Variants in GUCA1A observed in about 807,000 individuals in gnomAD.
GUCA1A encodes guanylyl cyclase-activating protein 1.
A neutral mutation model predicts 18.5 loss-of-function variants in GUCA1A; 14 were observed. The ratio of observed to expected loss-of-function variants is 0.76; its 90% CI spans 0.50 to 1.18. The LOEUF (loss-of-function observed/expected upper bound fraction) is 1.18. Ranked by LOEUF, GUCA1A falls within the 50% of genes most tolerant of loss-of-function variation. The pLI is 0.00. For missense variants in GUCA1A, 264 were observed against 262.4 expected, an observed-to-expected ratio of 1.01 and a Z score of -0.04; for synonymous variants, 97 against 100.2, an observed-to-expected ratio of 0.97 and a Z score of 0.19.
intron 1 of GUCA1A, 122 bp from the exon 2 acceptor site, chr6:42,178,158 C>G (rs1221012753): frequency 8.7e-7 from 1 of 1,153,062 alleles, no homozygotes; most frequent in East Asian, 2.3e-5. Flanking sequence ...GGGTCCGGGT[C>G]TCCCCTCAGC....
chr6:42,175,363 T>C (rs1767928531), intron 1 of GUCA1A, among the ~76,000 whole-genome samples: 1 of 136,698 alleles, frequency 7.3e-6, no homozygotes, highest in Non-Finnish European at 1.6e-5. Flanking sequence ...CTTTTTTTTT[T>C]TTTTTTTTTT....
chr6:42,175,441 A>G (rs1267752026), intron 1 of GUCA1A, among the ~76,000 whole-genome samples: 1 of 140,364 alleles, frequency 7.1e-6, no homozygotes, highest in African/African-American at 2.7e-5. Context: ...GCTCACTGCA[A>G]CCTCCACCTC....
chr6:42,178,435 G>C lies in GUCA1A; in HGVS notation c.351+6G>C. The C allele has an allele frequency of 6.2e-7, 1 of 1,613,346 alleles. No individual in the cohort carries two copies. Among genetic ancestry groups the C allele is most frequent in the African/African-American group, 1.3e-5 (1 of 75,046 alleles). On this transcript the variant is annotated splice_donor_region_variant and intron_variant, in intron 2 of 3. Coordinates refer to ENST00000372958, the MANE Select transcript of GUCA1A (RefSeq NM_001384910.1). ...AGCTGCTCACCATCATCCAGGTGCAGAGGGCCCGGCCAGGGCTGGGGGCAG... is the reference window on the plus strand; with the variant it reads ...AGCTGCTCACCATCATCCAGGTGCACAGGGCCCGGCCAGGGCTGGGGGCAG...
intron 2 of GUCA1A, 165 bp from the exon 3 acceptor site, chr6:42,178,637 T>C (rs1768026750): frequency 2.5e-6 from 2 of 815,424 alleles, no homozygotes; most frequent in Admixed American, 1.7e-5. Context: ...CAAAAGACGA[T>C]AGAAGTTTGA....
At position 42,177,550 on chromosome 6, in the gene GUCA1A, T is replaced by TA. The variant is rs542196379; in HGVS notation, c.202-720dup. ...TTTTCCATTGCCCCTTTTTAGACAT[T>TA]AAAAAAAAAACCTGCAAAAGCAATC... On this transcript the variant is annotated intron_variant, in intron 1 of 3. Transcript: ENST00000372958. Among the ~76,000 whole-genome samples, 119 of 147,876 alleles carry TA rather than the reference T, an allele frequency of 8.0e-4. 2 individuals carry two copies. Among genetic ancestry groups the TA allele is most frequent in the South Asian group, 7.7e-3 (36 of 4,680 alleles).
In GUCA1A at chr6:42,173,623, G is replaced by A. The variant is rs200110820; in HGVS notation, c.10G>A (p.Val4Met). 201 of 1,613,764 alleles carry A rather than the reference G, an allele frequency of 1.2e-4. No homozygotes were observed. The highest frequency in any genetic ancestry group is 1.7e-4 in the Non-Finnish European group (198 of 1,179,836). Residue 4 changes from valine (V) to methionine (M), a missense_variant, in exon 1 of 4, where the codon GTG becomes ATG. Coordinates refer to ENST00000372958, the MANE Select transcript of GUCA1A (RefSeq NM_001384910.1). The stretch of plus-strand genomic sequence containing the variant: ...CCTGAAGGCCTGAGCAATGGGCAAC[G>A]TGATGGAGGGAAAGTCAGTGGAGGA... MGN[V>M]MEGKSVEELS...
chr6:42,179,115 C>A, intron 3 of GUCA1A, 128 bp from the exon 4 acceptor site: 1 of 979,688 alleles, frequency 1.0e-6, no homozygotes, highest in Non-Finnish European at 1.6e-6. Context: ...CTTGCTGCAC[C>A]CGCAGCAGGG....
chr6:42,179,525 G>A lies in GUCA1A; in HGVS notation c.*122G>A. ...CTCAGAGGCTTAGCTCGCCTCTTTA[G>A]GGTCCATGGTGGCAGCAGAGAGGCA... On this transcript the variant is annotated 3_prime_UTR_variant, in exon 4 of 4. Coordinates refer to ENST00000372958, the MANE Select transcript of GUCA1A (RefSeq NM_001384910.1). 1 of 821,288 alleles carries A rather than the reference G, an allele frequency of 1.2e-6. No individual in the cohort carries two copies. Among genetic ancestry groups the A allele is most frequent in the Non-Finnish European group, 1.9e-6 (1 of 537,014 alleles). The allele number at this position is 821,288 out of a possible 1,614,324, so 50.9% of individuals were successfully genotyped here. A position where few individuals can be genotyped will look rare whatever the true frequency, so the allele number is the denominator to read the frequency against.
rs1250277952 is a variant in GUCA1A at position 42,173,572 on chromosome 6, G to A, written c.-42G>A. The A allele has an allele frequency of 2.0e-6, 3 of 1,527,050 alleles. No individual in the cohort carries two copies. The highest frequency in any genetic ancestry group is 2.7e-6 in the Non-Finnish European group (3 of 1,102,434). 94.6% of individuals were successfully genotyped at this position (1,527,050 alleles called of 1,614,324 possible). ...CCTTTGGGCGAGGAGCAGCGAACAGGGCCTGTCCATCTCAGACGTCAGCCC... is the reference window on the plus strand; with the variant it reads ...CCTTTGGGCGAGGAGCAGCGAACAGAGCCTGTCCATCTCAGACGTCAGCCC... On this transcript the variant is annotated 5_prime_UTR_variant, in exon 1 of 4. Coordinates refer to ENST00000372958, the MANE Select transcript of GUCA1A (RefSeq NM_001384910.1).
Position 42,179,225 on chromosome 6 carries a change from C to A in GUCA1A, c.446-18C>A, listed in dbSNP as rs114267019. On this transcript the variant is annotated intron_variant, in intron 3 of 3. Coordinates refer to ENST00000372958, the MANE Select transcript of GUCA1A (RefSeq NM_001384910.1). Reference sequence around the variant, plus strand: ...ATGAACACCCTCCTCCCCCTGATTCCCTTTCTCTCTACCCCAGGGGAACTC... The same window carrying A: ...ATGAACACCCTCCTCCCCCTGATTCACTTTCTCTCTACCCCAGGGGAACTC... 1.5e-3 allele frequency: 2,441 copies of A among 1,611,176 alleles called. 35 individuals are homozygous for A. In the African/African-American group the frequency reaches 0.029, roughly 19 times the overall value.
In GUCA1A at chr6:42,173,634, A is replaced by C; in HGVS notation, c.21A>C (p.Gly7=). 1 of 1,614,040 alleles carries C rather than the reference A, an allele frequency of 6.2e-7. No homozygotes were observed. The highest frequency in any genetic ancestry group is 8.5e-7 in the Non-Finnish European group (1 of 1,179,932). The change falls in exon 1 of 4, where the codon GGA becomes GGC. Residue 7 remains glycine (G), a synonymous_variant. Transcript: ENST00000372958. The part of the protein sequence containing the change: MGNVME[G]KSVEELSSTE... ...GAGCAATGGGCAACGTGATGGAGGG[A>C]AAGTCAGTGGAGGAGCTGAGCAGCA...
chr6:42,173,596 C>T lies in GUCA1A; in HGVS notation c.-18C>T. ...GGGCCTGTCCATCTCAGACGTCAGC[C>T]CCCTGAAGGCCTGAGCAATGGGCAA... On this transcript the variant is annotated 5_prime_UTR_variant, in exon 1 of 4. Coordinates refer to ENST00000372958, the MANE Select transcript of GUCA1A (RefSeq NM_001384910.1). The T allele has an allele frequency of 6.2e-7, 1 of 1,606,954 alleles. No individual in the cohort carries two copies. The highest frequency in any genetic ancestry group is 1.1e-5 in the South Asian group (1 of 90,914).
At chr6:42,175,326 A>T (rs1478726943) in intron 1 of GUCA1A, among the ~76,000 whole-genome samples, 2 of 146,494 alleles carry the variant, frequency 1.4e-5, no homozygotes, top group Non-Finnish European at 3.0e-5. Flanking sequence ...CCTGGGGCAC[A>T]TCGACCCTGT....
intron 1 of GUCA1A, among the ~76,000 whole-genome samples, chr6:42,178,008 G>A (rs563898714): frequency 6.6e-6 from 1 of 152,380 alleles, no homozygotes; most frequent in African/African-American, 2.4e-5. Flanking sequence ...GACAGCGCCA[G>A]CCATTCACAC....
chr6:42,179,138 C>T (rs1768043873), intron 3 of GUCA1A, 105 bp from the exon 4 acceptor site: 3 of 1,093,226 alleles, frequency 2.7e-6, no homozygotes, highest in East Asian at 2.4e-5. Context: ...TCTGACTTCT[C>T]CTCACGTGGG....
chr6:42,174,446 C>T (rs945962601), intron 1 of GUCA1A, among the ~76,000 whole-genome samples: 3 of 152,212 alleles, frequency 2.0e-5, no homozygotes, highest in African/African-American at 4.8e-5. Context: ...ACCCAGTGAC[C>T]TCATATCACC....
At chr6:42,178,575 T>C (rs1361683712) in intron 2 of GUCA1A, 146 bp downstream of exon 2, 2 of 858,836 alleles carry the variant, frequency 2.3e-6, no homozygotes, top group Non-Finnish European at 3.9e-6. Context: ...ACCAGCTGCG[T>C]GACCCAGGCC....
intron 1 of GUCA1A, among the ~76,000 whole-genome samples, chr6:42,175,353 C>CTTTTTTTTTT (rs10559617): frequency 4.7e-5 from 3 of 63,930 alleles, no homozygotes; most frequent in Non-Finnish European, 5.7e-5. Flanking sequence ...CTAATCATGT[C>CTTTTTTTTTT]TTTTTTTTTT....
chr6:42,179,212 C>G lies in GUCA1A; in HGVS notation c.446-31C>G, dbSNP rs762524161. 3.7e-6 allele frequency: 6 copies of G among 1,602,778 alleles called. No individual in the cohort carries two copies. The Admixed American group carries it at 1.0e-4, about 27-fold the overall frequency. On this transcript the variant is annotated intron_variant, in intron 3 of 3. Transcript: ENST00000372958. Reference sequence around the variant, plus strand: ...CTGGACTGCAGAAATGAACACCCTCCTCCCCCTGATTCCCTTTCTCTCTAC... The same window carrying G: ...CTGGACTGCAGAAATGAACACCCTCGTCCCCCTGATTCCCTTTCTCTCTAC...
Sources: gnomAD v4.1 joint callset for allele counts (sites outside exome capture counted in the v4.1 genomes callset) on GRCh38, gnomAD v4.1.1 for gene constraint, MANE v1.5 for transcripts, NCBI Gene and HGNC (gene_info 2026-07-23, HGNC 2026-07-21) for gene names.